The following TTBK2 variants were observed in gnomAD, a reference collection of about 807,000 sequenced individuals.
The protein encoded by TTBK2 is tau-tubulin kinase 2.
A neutral mutation model predicts 110.8 loss-of-function variants in TTBK2; 28 were observed. The observed-to-expected ratio is 0.25, with a 90% CI of 0.19 to 0.35. The LOEUF is 0.35. Ranked by LOEUF, TTBK2 falls within the 10% of genes least tolerant of loss-of-function variation. The probability of loss-of-function intolerance (pLI) is 1.00; values close to 1 mark genes in which losing one functional copy is unlikely to be tolerated. For synonymous variants in TTBK2, 532 were observed against 527.3 expected, an observed-to-expected ratio of 1.01 and a Z score of -0.12; for missense variants, 1,369 against 1,500.3, an observed-to-expected ratio of 0.91 and a Z score of 1.45.
rs772093029 is a variant in TTBK2, at chr15:42,802,308, G to A, written c.823-7507C>T. On this transcript the variant is annotated intron_variant, in intron 9 of 14. Transcript: ENST00000267890. ...CCATTCGGGAGAAGCTCGAGGAGCT[G>A]ATGCAGGCACCAGGCCCACTCGTGT... The A allele has an allele frequency of 8.9e-6, 7 of 782,760 alleles. No individual in the cohort carries two copies. The South Asian group carries it at 9.3e-5, about 10-fold the overall frequency. 48.5% of individuals were successfully genotyped at this position (782,760 alleles called of 1,614,324 possible).
intron 1 of TTBK2, among the ~76,000 whole-genome samples, chr15:42,918,780 A>G (rs1054204386): frequency 6.6e-6 from 1 of 152,216 alleles, no homozygotes; most frequent in Non-Finnish European, 1.5e-5. Flanking sequence ...TTCCTGAAGT[A>G]TTAAAATAAT....
At chr15:42,801,856 C>T in intron 9 of TTBK2, 1 of 969,732 alleles carries the variant, frequency 1.0e-6, no homozygotes, top group Non-Finnish European at 1.7e-6. Flanking sequence ...CATCTCTGTA[C>T]ATTTACTGAT....
chr15:42,798,779 A>T (rs1053928582), intron 9 of TTBK2, among the ~76,000 whole-genome samples: 1 of 152,210 alleles, frequency 6.6e-6, no homozygotes, highest in Non-Finnish European at 1.5e-5. Flanking sequence ...ACCAGAAGCA[A>T]TTATCTTCGG....
intron 13 of TTBK2, among the ~76,000 whole-genome samples, chr15:42,770,407 C>A (rs570257868): frequency 6.6e-6 from 1 of 152,228 alleles, no homozygotes; most frequent in East Asian, 1.9e-4. Flanking sequence ...TGGTACTTAG[C>A]ATAGTACCCA....
intron 10 of TTBK2, among the ~76,000 whole-genome samples, chr15:42,787,360 C>T (rs1401811814): frequency 6.6e-6 from 1 of 152,158 alleles, no homozygotes; most frequent in African/African-American, 2.4e-5. Context: ...CTGGGACATA[C>T]ACTATAAATT....
intron 8 of TTBK2, 149 bp from the exon 9 acceptor site, chr15:42,810,888 C>A: frequency 1.1e-6 from 1 of 880,214 alleles, no homozygotes; most frequent in South Asian, 1.5e-5. Flanking sequence ...TTACTAACAG[C>A]TTAATGTACA....
chr15:42,772,536 G>A (rs1032394145), intron 13 of TTBK2, among the ~76,000 whole-genome samples: 1 of 152,164 alleles, frequency 6.6e-6, no homozygotes, highest in Admixed American at 6.5e-5. Context: ...AATAATGACT[G>A]TTGTTTAACG....
chr15:42,781,137 C>T (rs1890162107), intron 11 of TTBK2, among the ~76,000 whole-genome samples: 1 of 151,528 alleles, frequency 6.6e-6, no homozygotes, highest in Non-Finnish European at 1.5e-5. Context: ...GCATGTACTA[C>T]CCAAAAGAAA....
intron 10 of TTBK2, among the ~76,000 whole-genome samples, chr15:42,791,104 G>A (rs538169683): frequency 2.2e-4 from 33 of 152,088 alleles, no homozygotes; most frequent in Non-Finnish European, 4.1e-4. Flanking sequence ...AGCCAGGATG[G>A]TCTCGATCTG....
chr15:42,762,218 T>C (rs2062038559), intron 13 of TTBK2, among the ~76,000 whole-genome samples: 1 of 152,222 alleles, frequency 6.6e-6, no homozygotes, highest in South Asian at 2.1e-4. Flanking sequence ...GAATGTAAAC[T>C]AGTACAGTTA....
chr15:42,920,368 G>A (rs1009852157), intron 1 of TTBK2, 70 bp downstream of exon 1: 2 of 152,648 alleles, frequency 1.3e-5, no homozygotes, highest in East Asian at 3.8e-4. Context: ...CTCGGCGAGG[G>A]GTGCGGCCGG....
chr15:42,766,171 A>G (rs1567010903), intron 13 of TTBK2, among the ~76,000 whole-genome samples: 1 of 152,126 alleles, frequency 6.6e-6, no homozygotes, highest in Non-Finnish European at 1.5e-5. Context: ...AAACATGCCA[A>G]ATTGTAAAGA....
chr15:42,774,998 T>TTAG, intron 13 of TTBK2, 137 bp downstream of exon 13: 1 of 822,712 alleles, frequency 1.2e-6, no homozygotes, highest in Non-Finnish European at 2.0e-6. Flanking sequence ...ACTATAGAAC[T>TTAG]TAGTACAAAA....
Position 42,752,224 on chromosome 15 carries a change from C to G in TTBK2, c.3022G>C (p.Ala1008Pro), listed in dbSNP as rs1482627672. The G allele has an allele frequency of 4.3e-6, 7 of 1,613,886 alleles. No individual in the cohort carries two copies. Among genetic ancestry groups the G allele is most frequent in the Admixed American group, 1.7e-5 (1 of 59,964 alleles). ...ASDKLLEEKL[A>P]TVPAPFCEEE... ...TCACAAAAGGGAGCAGGAACAGTAG[C>G]TAGTTTCTCCTCTAGCAATTTATCA... The change falls in exon 14 of 15, where the codon GCT becomes CCT. Residue 1008 changes from alanine to proline, a missense_variant. Coordinates refer to ENST00000267890, the MANE Select transcript of TTBK2 (RefSeq NM_173500.4).
At chr15:42,903,790 T>C (rs1567087202) in intron 1 of TTBK2, among the ~76,000 whole-genome samples, 1 of 152,212 alleles carries the variant, frequency 6.6e-6, no homozygotes, top group Non-Finnish European at 1.5e-5. Context: ...GCAAAAGTGA[T>C]AGGATGTTAC....
At chr15:42,794,509 G>A (rs184493856) in intron 10 of TTBK2, 135 bp downstream of exon 10, 1 of 1,214,802 alleles carries the variant, frequency 8.2e-7, no homozygotes, top group Admixed American at 1.8e-5. Context: ...TAAGAGCAAT[G>A]TTAATTCGAG....
At chr15:42,781,358 A>G (rs1364850821) in intron 11 of TTBK2, among the ~76,000 whole-genome samples, 2 of 152,172 alleles carry the variant, frequency 1.3e-5, no homozygotes, top group Non-Finnish European at 2.9e-5. Context: ...GAATAAAAAT[A>G]CAACACACCA....
At chr15:42,836,425 T>C (rs1218206046) in intron 4 of TTBK2, among the ~76,000 whole-genome samples, 3 of 152,194 alleles carry the variant, frequency 2.0e-5, no homozygotes, top group South Asian at 2.1e-4. Context: ...AGAGAAAATA[T>C]GCTCTAGCGG....
chr15:42,870,274 A>G (rs1461939049), intron 3 of TTBK2, among the ~76,000 whole-genome samples: 2 of 152,174 alleles, frequency 1.3e-5, no homozygotes, highest in Admixed American at 6.5e-5. Flanking sequence ...TTGAAAAGAG[A>G]GTAATCTGAC....
Sources: allele counts gnomAD v4.1 joint callset (sites outside exome capture counted in the v4.1 genomes callset), GRCh38; gene constraint gnomAD v4.1.1; transcripts MANE v1.5; gene names NCBI Gene and HGNC (gene_info 2026-07-23, HGNC 2026-07-21).